The following NCKAP5 variants were observed in gnomAD, a reference collection of about 807,000 sequenced individuals.
NCKAP5 encodes nck-associated protein 5.
A neutral mutation model predicts 167.0 loss-of-function variants in NCKAP5; 92 were observed. The ratio of observed to expected loss-of-function variants is 0.55; its 90% CI spans 0.47 to 0.66. NCKAP5 has a LOEUF of 0.66. Among genes scored for constraint, NCKAP5 ranks in the 30% least tolerant of loss-of-function variants. The pLI is 0.00. For synonymous variants in NCKAP5, 891 were observed against 877.4 expected (o/e 1.02, Z -0.27); for missense variants, 2,378 against 2,315.0 (o/e 1.03, Z -0.56).
At chr2:132,926,136 T>C (rs952435836) in intron 8 of NCKAP5, 2 of 347,740 alleles carry the variant, frequency 5.8e-6, no homozygotes, top group Non-Finnish European at 5.9e-6. Flanking sequence ...GAAATTGTGG[T>C]ATTCGACGTT....
rs1017319220 is a variant in NCKAP5 at position 133,470,673 on chromosome 2, C to T, written c.69+46785G>A. On this transcript the variant is annotated intron_variant, in intron 3 of 19. Transcript: ENST00000409261. Reference sequence around the variant, plus strand: ...CTAGTAATCAGCGAGACTCCATGGGCGTAGGACCCTCCAAGCCAGGTGCAG... The same window carrying T: ...CTAGTAATCAGCGAGACTCCATGGGTGTAGGACCCTCCAAGCCAGGTGCAG... 1.4e-4 allele frequency among the ~76,000 whole-genome samples: 22 copies of T among 152,316 alleles called. No individual in the cohort carries two copies. In the South Asian group the frequency reaches 3.1e-3, roughly 22 times the overall value.
chr2:133,519,454 CT>C (rs758874411), intron 2 of NCKAP5, among the ~76,000 whole-genome samples: 19 of 152,302 alleles, frequency 1.2e-4, no homozygotes, highest in Non-Finnish European at 2.6e-4. Context: ...CTACTTTCAG[CT>C]GTTCCTGCCT....
chr2:132,762,011 G>A (rs1681051254), intron 16 of NCKAP5, among the ~76,000 whole-genome samples: 1 of 152,138 alleles, frequency 6.6e-6, no homozygotes, highest in South Asian at 2.1e-4. Flanking sequence ...GAATTCTTGG[G>A]GGGTTATTTA....
intron 4 of NCKAP5, among the ~76,000 whole-genome samples, chr2:133,247,879 A>G (rs1324797364): frequency 1.3e-5 from 2 of 152,178 alleles, no homozygotes; most frequent in African/African-American, 4.8e-5. Context: ...GAGTTACCCT[A>G]AAGTATTTTC....
chr2:132,852,903 T>C (rs1689181919), intron 11 of NCKAP5, among the ~76,000 whole-genome samples: 1 of 152,206 alleles, frequency 6.6e-6, no homozygotes, highest in Non-Finnish European at 1.5e-5. Flanking sequence ...TGTTTGTTTA[T>C]ATTATCTATC....
intron 7 of NCKAP5, among the ~76,000 whole-genome samples, chr2:132,971,465 G>C (rs1174969331): frequency 6.6e-6 from 1 of 152,162 alleles, no homozygotes; most frequent in East Asian, 1.9e-4. Context: ...TCACTGAATG[G>C]AATGCCACTG....
At chr2:133,090,395 C>G (rs759356705) in intron 6 of NCKAP5, among the ~76,000 whole-genome samples, 5 of 151,922 alleles carry the variant, frequency 3.3e-5, no homozygotes, top group Middle Eastern at 3.2e-3. Context: ...AAGACAGTTT[C>G]TGCCTCCGTG....
chr2:133,268,693 A>C (rs990051954), intron 4 of NCKAP5, among the ~76,000 whole-genome samples: 6 of 151,856 alleles, frequency 4.0e-5, no homozygotes, highest in Non-Finnish European at 8.8e-5. Context: ...CGTGGTCTCG[A>C]TCTCCTGACC....
At chr2:133,491,013 TG>T (rs1387036790) in intron 3 of NCKAP5, among the ~76,000 whole-genome samples, 1 of 152,154 alleles carries the variant, frequency 6.6e-6, no homozygotes, top group Non-Finnish European at 1.5e-5. Flanking sequence ...TGCTAAGCTG[TG>T]GAAACAGGAG....
intron 3 of NCKAP5, among the ~76,000 whole-genome samples, chr2:133,433,096 C>G (rs1428947163): frequency 6.6e-6 from 1 of 152,132 alleles, no homozygotes; most frequent in Non-Finnish European, 1.5e-5. Context: ...GACCACTTTC[C>G]CAGGCATACC....
At chr2:133,411,173 C>T (rs555955929) in intron 3 of NCKAP5, among the ~76,000 whole-genome samples, 7 of 152,284 alleles carry the variant, frequency 4.6e-5, no homozygotes, top group South Asian at 2.1e-4. Context: ...CCAATGGGAA[C>T]GCTGAATTCC....
At chr2:133,554,731 C>T (rs1413292331) in intron 2 of NCKAP5, among the ~76,000 whole-genome samples, 2 of 152,134 alleles carry the variant, frequency 1.3e-5, no homozygotes, top group Admixed American at 6.5e-5. Context: ...ATGACAAGAA[C>T]CAAGTTCATT....
chr2:132,714,635 T>C (rs1230179891), intron 19 of NCKAP5, among the ~76,000 whole-genome samples: 1 of 151,906 alleles, frequency 6.6e-6, no homozygotes, highest in African/African-American at 2.4e-5. Flanking sequence ...CTGACCAACA[T>C]GGAGAAACCC....
the NCKAP5 span, among the ~76,000 whole-genome samples, chr2:133,654,840 C>T: frequency 0.22 from 33,338 of 152,068 alleles, 5,289 homozygotes; most frequent in East Asian, 0.47. Flanking sequence ...AGCTTCCTAA[C>T]TCGGCTGTTT....
At chr2:133,342,188 C>T (rs977704772) in intron 3 of NCKAP5, among the ~76,000 whole-genome samples, 2 of 152,142 alleles carry the variant, frequency 1.3e-5, no homozygotes, top group African/African-American at 4.8e-5. Context: ...ATCCGCCCGC[C>T]TCGGCCTCCC....
At chr2:132,997,118 C>A (rs188607762) in intron 6 of NCKAP5, among the ~76,000 whole-genome samples, 2 of 152,322 alleles carry the variant, frequency 1.3e-5, no homozygotes, top group Admixed American at 6.5e-5. Flanking sequence ...ATGTAGGAAG[C>A]CCATTGCAGT....
the NCKAP5 span, among the ~76,000 whole-genome samples, chr2:133,590,794 C>G: frequency 6.6e-6 from 1 of 152,166 alleles, no homozygotes; most frequent in African/African-American, 2.4e-5. Context: ...CTTTGACTCA[C>G]TGAAGCAGAA....
intron 3 of NCKAP5, among the ~76,000 whole-genome samples, chr2:133,407,136 GC>G (rs1559459861): frequency 1.3e-5 from 2 of 152,156 alleles, no homozygotes. Flanking sequence ...ATGTTTATCC[GC>G]CAGGTATGAA....
intron 11 of NCKAP5, among the ~76,000 whole-genome samples, chr2:132,812,613 G>GA (rs1685968907): frequency 6.6e-6 from 1 of 152,180 alleles, no homozygotes. Flanking sequence ...CGGCAGAGGG[G>GA]TTCTGGGGGC....
Sources: allele counts gnomAD v4.1 joint callset (sites outside exome capture counted in the v4.1 genomes callset), GRCh38; gene constraint gnomAD v4.1.1; transcripts MANE v1.5; gene names NCBI Gene and HGNC (gene_info 2026-07-23, HGNC 2026-07-21).